KDM4C: variants seen among roughly 807,000 people sequenced by gnomAD.
KDM4C encodes the protein lysine demethylase 4C, also known as lysine-specific demethylase 4C.
KDM4C carries 81 observed loss-of-function variants against 129.3 expected under a neutral mutation model. The observed-to-expected ratio is 0.63, with a 90% confidence interval of 0.52 to 0.75. The LOEUF (loss-of-function observed/expected upper bound fraction) is 0.75. KDM4C is among the 30% of genes least tolerant of loss of function. The probability of loss-of-function intolerance (pLI) is 0.00; values close to 1 mark genes in which losing one functional copy is unlikely to be tolerated. For missense variants in KDM4C, 1,457 were observed against 1,304.0 expected, an observed-to-expected ratio of 1.12 and a Z score of -1.81; for synonymous variants, 573 against 456.1, an observed-to-expected ratio of 1.26 and a Z score of -3.26.
chr9:7,168,468 G>T (rs1844627456), intron 20 of KDM4C, among the ~76,000 whole-genome samples: 1 of 152,048 alleles, frequency 6.6e-6, no homozygotes, highest in Non-Finnish European at 1.5e-5. Flanking sequence ...TCTAAACCTA[G>T]GTGCTCTAGG....
chr9:7,033,946 A>T (rs1410016221), intron 15 of KDM4C, among the ~76,000 whole-genome samples: 1 of 151,908 alleles, frequency 6.6e-6, no homozygotes, highest in Non-Finnish European at 1.5e-5. Context: ...GAAAAACTGC[A>T]GTGCAGGCAT....
chr9:7,052,863 C>CAGAG (rs370475585), intron 17 of KDM4C, among the ~76,000 whole-genome samples: 2,878 of 41,076 alleles, frequency 0.07, 189 homozygotes, highest in South Asian at 0.17. Flanking sequence ...GCCACACCTG[C>CAGAG]AGAGAGAGAG....
rs111245812 is a variant in KDM4C, at chr9:6,887,812, G to C, written c.680-148G>C. ...TTTTAAGAATTCTAACTCTGACTCT[G>C]AGTTTTAGTACAAGGGCTTTTTGGC... On this transcript the variant is annotated intron_variant, in intron 6 of 21. Transcript: ENST00000381309. 5.7e-6 allele frequency: 3 copies of C among 522,138 alleles called. No individual in the cohort carries two copies. The African/African-American group carries it at 6.0e-5, about 10-fold the overall frequency. The allele number at this position is 522,138 out of a possible 1,614,324, so 32.3% of individuals were successfully genotyped here.
intron 17 of KDM4C, among the ~76,000 whole-genome samples, chr9:7,084,683 CA>C (rs1184236799): frequency 6.6e-6 from 1 of 152,146 alleles, no homozygotes; most frequent in African/African-American, 2.4e-5. Context: ...TCATCTGTAA[CA>C]CAGTAATAAT....
At chr9:6,734,289 T>TA (rs1491137614) in intron 1 of KDM4C, among the ~76,000 whole-genome samples, 2 of 71,274 alleles carry the variant, frequency 2.8e-5, no homozygotes, top group East Asian at 6.0e-4. Flanking sequence ...CCATGTTTGG[T>TA]TTTTTTTTTT....
intron 8 of KDM4C, among the ~76,000 whole-genome samples, chr9:6,935,791 G>A (rs1824672446): frequency 6.6e-6 from 1 of 152,054 alleles, no homozygotes; most frequent in African/African-American, 2.4e-5. Flanking sequence ...GTTATGTGTT[G>A]TTATTGAACA....
chr9:7,166,495 G>C (rs1481277273), intron 20 of KDM4C, among the ~76,000 whole-genome samples: 1 of 151,832 alleles, frequency 6.6e-6, no homozygotes, highest in African/African-American at 2.4e-5. Context: ...TTCCCCCTTT[G>C]CATATGGTAT....
intron 8 of KDM4C, among the ~76,000 whole-genome samples, chr9:6,897,471 G>A (rs767004377): frequency 2.6e-5 from 4 of 152,120 alleles, no homozygotes; most frequent in Admixed American, 6.6e-5. Flanking sequence ...AGAACAAAAG[G>A]GCCTTGCATT....
chr9:7,138,887 G>A (rs1446946107), intron 19 of KDM4C, among the ~76,000 whole-genome samples: 2 of 152,116 alleles, frequency 1.3e-5, no homozygotes, highest in Non-Finnish European at 2.9e-5. Flanking sequence ...AAGGGAAGGG[G>A]TAGTTAAATT....
chr9:7,076,722 T>G, intron 17 of KDM4C: 2 of 1,214,754 alleles, frequency 1.6e-6, no homozygotes, highest in Non-Finnish European at 2.0e-6. Context: ...GTTGACTTCC[T>G]ATGTGGGGTA....
At chr9:6,852,267 A>G (rs1168424097) in intron 5 of KDM4C, among the ~76,000 whole-genome samples, 2 of 152,236 alleles carry the variant, frequency 1.3e-5, no homozygotes, top group African/African-American at 4.8e-5. Context: ...ACACAAATTC[A>G]TGGAAGTATT....
intron 8 of KDM4C, among the ~76,000 whole-genome samples, chr9:6,959,288 A>G (rs1829635986): frequency 2.6e-5 from 4 of 152,212 alleles, no homozygotes. Flanking sequence ...ATTTGACCAT[A>G]GTTAGAGGAG....
At chr9:6,918,373 A>G (rs535396514) in intron 8 of KDM4C, among the ~76,000 whole-genome samples, 191 of 152,304 alleles carry the variant, frequency 1.3e-3, no homozygotes, top group African/African-American at 4.5e-3. Context: ...ATGGCTGCAT[A>G]GTATTCCATG....
intron 2 of KDM4C, among the ~76,000 whole-genome samples, chr9:6,802,577 G>C (rs1221649715): frequency 6.6e-6 from 1 of 152,160 alleles, no homozygotes; most frequent in African/African-American, 2.4e-5. Flanking sequence ...ATACTGAGTA[G>C]GAATGAAAAT....
chr9:7,153,577 C>G (rs1409722881), intron 19 of KDM4C, among the ~76,000 whole-genome samples: 2 of 152,134 alleles, frequency 1.3e-5, no homozygotes, highest in Admixed American at 6.5e-5. Flanking sequence ...GCAGCTGGGC[C>G]TTTGCATGGT....
intron 5 of KDM4C, among the ~76,000 whole-genome samples, chr9:6,872,957 G>A (rs1218451044): frequency 1.3e-5 from 2 of 152,060 alleles, no homozygotes; most frequent in Admixed American, 1.3e-4. Flanking sequence ...ACAGAGTTTC[G>A]CTCTTGTGGC....
At position 6,919,247 on chromosome 9, in the gene KDM4C, TTTTCTTTC is replaced by T. The variant is rs141381388; in HGVS notation, c.921+26033_921+26040del. ...CCTTCTTTCTTTCTTTCTTTCTTTCTTTTCTTTCTTTCTTTCTTTCTTTCTGTCTCTCT... is the reference window on the plus strand; with the variant it reads ...CCTTCTTTCTTTCTTTCTTTCTTTCTTTTCTTTCTTTCTTTCTGTCTCTCT... On this transcript the variant is annotated intron_variant, in intron 8 of 21. Transcript: ENST00000381309. Among the ~76,000 whole-genome samples, 104 of 106,230 alleles carry T rather than the reference TTTTCTTTC, an allele frequency of 9.8e-4. 1 individual carries two copies. Among genetic ancestry groups the T allele is most frequent in the African/African-American group, 2.1e-3 (57 of 26,970 alleles). 69.7% of individuals were successfully genotyped at this position (106,230 alleles called of 152,430 possible).
At chr9:6,897,073 T>C (rs2130933792) in intron 8 of KDM4C, among the ~76,000 whole-genome samples, 1 of 152,346 alleles carries the variant, frequency 6.6e-6, no homozygotes, top group Non-Finnish European at 1.5e-5. Flanking sequence ...ATGTTTGATA[T>C]TCTCAGCTGA....
Position 6,893,332 on chromosome 9 carries a change from A to T in KDM4C, c.921+100A>T, listed in dbSNP as rs967148129. The T allele has an allele frequency of 1.3e-5, 12 of 937,196 alleles. No individual in the cohort carries two copies. In the African/African-American group the frequency reaches 2.0e-4, roughly 16 times the overall value. The allele number at this position is 937,196 out of a possible 1,614,324, so 58.1% of individuals were successfully genotyped here. ...GTGCAGCATTTATTTATTCTTCCTCACTGGCGCCATGTGCCTCTCACCACA... is the reference window on the plus strand; with the variant it reads ...GTGCAGCATTTATTTATTCTTCCTCTCTGGCGCCATGTGCCTCTCACCACA... On this transcript the variant is annotated intron_variant, in intron 8 of 21. Coordinates refer to ENST00000381309, the MANE Select transcript of KDM4C (RefSeq NM_015061.6).
Sources: allele counts gnomAD v4.1 joint callset (sites outside exome capture counted in the v4.1 genomes callset), GRCh38; gene constraint gnomAD v4.1.1; transcripts MANE v1.5; gene names NCBI Gene and HGNC (gene_info 2026-07-23, HGNC 2026-07-21).